The following FBXO11 variants were observed in gnomAD, a reference collection of about 807,000 sequenced individuals.
The protein encoded by FBXO11 is F-box only protein 11.
Under a neutral mutation model 117.0 loss-of-function variants are expected in FBXO11, and 13 were observed. The ratio of observed to expected loss-of-function variants is 0.11; its 90% CI spans 0.07 to 0.18. FBXO11 has a LOEUF of 0.18. Ranked by LOEUF, FBXO11 falls within the 10% of genes least tolerant of loss-of-function variation. The probability of loss-of-function intolerance (pLI) is 1.00; values close to 1 mark genes in which losing one functional copy is unlikely to be tolerated. For missense variants in FBXO11, 767 were observed against 1,164.4 expected (o/e 0.66, Z 4.97); for synonymous variants, 490 against 380.5 (o/e 1.29, Z -3.35).
intron 1 of FBXO11, among the ~76,000 whole-genome samples, chr2:47,880,984 G>A (rs1245884713): frequency 4.6e-5 from 7 of 152,102 alleles, no homozygotes; most frequent in Non-Finnish European, 8.8e-5. Context: ...GCCGGGCATG[G>A]TGACTCACAC....
rs539578641 is a variant in FBXO11 at position 47,834,726 on chromosome 2, ATG to A, written c.802-17_802-16del. ...GTATCATAATACTAGAAAAAAATAA[ATG>A]TGTCAGTACAGAACTGAAAGATTAC... is the stretch of plus-strand genomic sequence containing the variant. On this transcript the variant is annotated splice_polypyrimidine_tract_variant and intron_variant, in intron 6 of 22. Transcript: ENST00000403359. The A allele has an allele frequency of 3.1e-6, 5 of 1,607,022 alleles. No individual in the cohort carries two copies. Among genetic ancestry groups the A allele is most frequent in the Non-Finnish European group, 4.2e-6 (5 of 1,177,980 alleles).
intron 16 of FBXO11, among the ~76,000 whole-genome samples, chr2:47,818,257 A>G (rs1163263405): frequency 1.3e-5 from 2 of 152,268 alleles, no homozygotes; most frequent in Non-Finnish European, 2.9e-5. Context: ...TATTGCCACA[A>G]AACTTCAATT....
At chr2:47,842,126 CG>C (rs1468528345) in intron 1 of FBXO11, among the ~76,000 whole-genome samples, 12 of 151,858 alleles carry the variant, frequency 7.9e-5, no homozygotes, top group African/African-American at 2.9e-4. Flanking sequence ...AGCCATTCTC[CG>C]GCCTCAGCCT....
chr2:47,900,036 G>A lies in FBXO11; in HGVS notation c.232+5453C>T, dbSNP rs141795468. Among the ~76,000 whole-genome samples, 77 of 152,196 alleles carry A rather than the reference G, an allele frequency of 5.1e-4. 1 individual carries two copies. Among genetic ancestry groups the A allele is most frequent in the African/African-American group, 1.7e-3 (70 of 41,506 alleles). ...CTTGTGGTTCCTGCCTTACCTAGTAGGTCTCCAAGCTGGTTGGCCTTCTCT... is the reference window on the plus strand; with the variant it reads ...CTTGTGGTTCCTGCCTTACCTAGTAAGTCTCCAAGCTGGTTGGCCTTCTCT... On this transcript the variant is annotated intron_variant, in intron 1 of 22. Transcript: ENST00000403359.
At chr2:47,851,207 C>A (rs1673831373) in intron 1 of FBXO11, among the ~76,000 whole-genome samples, 1 of 152,092 alleles carries the variant, frequency 6.6e-6, no homozygotes, top group East Asian at 1.9e-4. Flanking sequence ...ACGTTATTAA[C>A]TAAATGCTAT....
rs754115458 is a variant in FBXO11 at position 47,839,616 on chromosome 2, A to C, written c.360+26T>G. On this transcript the variant is annotated intron_variant, in intron 2 of 22. Transcript: ENST00000403359. ...TCTTGAAAATTCTTTCATTACAAAA[A>C]GAAAAGCAACTACAGTTAAAGTTAC... is the stretch of plus-strand genomic sequence containing the variant. 4 of 1,605,624 alleles carry C rather than the reference A, an allele frequency of 2.5e-6. No homozygotes were observed. The South Asian group carries it at 4.5e-5, about 18-fold the overall frequency.
At position 47,838,878 on chromosome 2, in the gene FBXO11, C is replaced by T. The variant is rs748328384; in HGVS notation, c.568G>A (p.Ala190Thr). 1.2e-6 allele frequency: 2 copies of T among 1,613,568 alleles called. No individual in the cohort carries two copies. The highest frequency in any genetic ancestry group is 3.3e-5 in the Admixed American group (2 of 59,948). Residue 190 changes from alanine to threonine, a missense_variant, in exon 4 of 23, where the codon GCT (alanine) becomes ACT (threonine). By Grantham distance (58) the Ala-to-Thr change is moderately conservative. Transcript: ENST00000403359. ...ACVCKRFSELANDPILWKRLY... is the reference protein window; with the variant it reads ...ACVCKRFSELTNDPILWKRLY... ...ACTTACCACAAAATTGGATCATTAG[C>T]AAGTTCACTGAAGCGTTTACATACA...
At chr2:47,869,699 C>T (rs1675474183) in intron 1 of FBXO11, among the ~76,000 whole-genome samples, 1 of 152,212 alleles carries the variant, frequency 6.6e-6, no homozygotes. Context: ...GTTATAAATA[C>T]CACATAGTAT....
intron 1 of FBXO11, among the ~76,000 whole-genome samples, chr2:47,898,871 A>T (rs768552430): frequency 1.4e-4 from 21 of 152,166 alleles, no homozygotes; most frequent in Non-Finnish European, 2.4e-4. Context: ...AGGTGATATA[A>T]ATCAATTTTG....
chr2:47,829,573 A>G (rs1447705864), intron 11 of FBXO11, among the ~76,000 whole-genome samples: 1 of 152,206 alleles, frequency 6.6e-6, no homozygotes, highest in Non-Finnish European at 1.5e-5. Context: ...TTACAAAAGT[A>G]ACAACTCTGC....
At position 47,905,653 on chromosome 2, in the gene FBXO11, T is replaced by TGTTGCTGCA; in HGVS notation, c.59_67dup (p.Gln22_Gln23insLeuGlnGln). ...CGGCTGCTGCGGGGGCTGCTGCTGC[T>TGTTGCTGCA]GTTGCTGCACCGGGCGCGGCCGCGA... On this transcript the variant is annotated inframe_insertion, in exon 1 of 23. Transcript: ENST00000403359. 3.4e-6 allele frequency: 5 copies of TGTTGCTGCA among 1,464,658 alleles called. No individual in the cohort carries two copies. Among genetic ancestry groups the TGTTGCTGCA allele is most frequent in the Non-Finnish European group, 4.5e-6 (5 of 1,106,740 alleles). The allele number at this position is 1,464,658 out of a possible 1,614,324, so 90.7% of individuals were successfully genotyped here.
At chr2:47,899,393 C>G (rs932323897) in intron 1 of FBXO11, among the ~76,000 whole-genome samples, 2 of 151,570 alleles carry the variant, frequency 1.3e-5, no homozygotes, top group African/African-American at 4.9e-5. Flanking sequence ...ACAGCTGATA[C>G]AATCCCTTAC....
intron 1 of FBXO11, among the ~76,000 whole-genome samples, chr2:47,889,650 C>A (rs1677120075): frequency 6.7e-6 from 1 of 149,474 alleles, no homozygotes; most frequent in Non-Finnish European, 1.5e-5. Flanking sequence ...TTTTTTTAAC[C>A]AATAATGATG....
At chr2:47,824,154 G>T (rs919508044) in intron 11 of FBXO11, among the ~76,000 whole-genome samples, 2 of 152,164 alleles carry the variant, frequency 1.3e-5, no homozygotes, top group South Asian at 4.1e-4. Flanking sequence ...TCAACAAAAG[G>T]TTAAAGTCAT....
At chr2:47,813,579 G>A (rs989123587) in intron 17 of FBXO11, among the ~76,000 whole-genome samples, 1 of 151,626 alleles carries the variant, frequency 6.6e-6, no homozygotes, top group Non-Finnish European at 1.5e-5. Context: ...ATACAGGCGT[G>A]TGCCACCATG....
At chr2:47,818,888 AG>A in intron 15 of FBXO11, 24 bp from the exon 16 acceptor site, 1 of 1,556,346 alleles carries the variant, frequency 6.4e-7, no homozygotes, top group Non-Finnish European at 8.7e-7. Context: ...AAAAAAAAAA[AG>A]CTTTTTCAAG....
rs774315189 is a variant in FBXO11 at position 47,808,325 on chromosome 2, A to G, written c.2654+4T>C. On this transcript the variant is annotated splice_donor_region_variant and intron_variant, in intron 22 of 22. Coordinates refer to ENST00000403359, the MANE Select transcript of FBXO11 (RefSeq NM_001190274.2). Reference sequence around the variant, plus strand: ...GTAATATATCAAGCAAGTGTGCTACATACCTATCATGTCTAATAAACTCTA... The same window carrying G: ...GTAATATATCAAGCAAGTGTGCTACGTACCTATCATGTCTAATAAACTCTA... 8.7e-6 allele frequency: 14 copies of G among 1,612,296 alleles called. No individual in the cohort carries two copies. The highest frequency in any genetic ancestry group is 4.5e-5 in the East Asian group (2 of 44,874).
chr2:47,832,510 A>C, intron 10 of FBXO11, 24 bp from the exon 11 acceptor site: 1 of 1,609,544 alleles, frequency 6.2e-7, no homozygotes, highest in Non-Finnish European at 8.5e-7. Flanking sequence ...TCAGAAACAA[A>C]CATCAGTAGA....
At chr2:47,817,138 T>C (rs1452907195) in intron 16 of FBXO11, among the ~76,000 whole-genome samples, 1 of 152,270 alleles carries the variant, frequency 6.6e-6, no homozygotes, top group Non-Finnish European at 1.5e-5. Flanking sequence ...GATAACTTTC[T>C]GTAGCTTCTA....
Sources: allele counts gnomAD v4.1 joint callset (sites outside exome capture counted in the v4.1 genomes callset), GRCh38; gene constraint gnomAD v4.1.1; transcripts MANE v1.5; gene names NCBI Gene and HGNC (gene_info 2026-07-23, HGNC 2026-07-21).